Variants in CHN1 observed in about 807,000 individuals in gnomAD.
The protein encoded by CHN1 is chimerin 1.
Under a neutral mutation model 59.5 loss-of-function variants are expected in CHN1, and 37 were observed. The ratio of observed to expected loss-of-function variants is 0.62; its 90% CI spans 0.48 to 0.82. The LOEUF (loss-of-function observed/expected upper bound fraction) is 0.82. CHN1 is among the 40% of genes least tolerant of loss of function. The pLI is 0.00. For missense variants in CHN1, 469 were observed against 571.0 expected (o/e 0.82, Z 1.82); for synonymous variants, 206 against 200.4 (o/e 1.03, Z -0.24).
chr2:174,866,940 A>C (rs1687235324), intron 6 of CHN1, among the ~76,000 whole-genome samples: 2 of 152,228 alleles, frequency 1.3e-5, no homozygotes, highest in African/African-American at 4.8e-5. Flanking sequence ...CTTATTTATA[A>C]ATAAATGCTG....
intron 12 of CHN1, among the ~76,000 whole-genome samples, chr2:174,801,028 G>A (rs938491020): frequency 6.6e-6 from 1 of 152,106 alleles, no homozygotes; most frequent in Non-Finnish European, 1.5e-5. Flanking sequence ...TTTTGTTTCT[G>A]ATTGGTTTTA....
chr2:174,994,234 CTATTT>C (rs1691635003), intron 1 of CHN1, among the ~76,000 whole-genome samples: 1 of 152,132 alleles, frequency 6.6e-6, no homozygotes. Flanking sequence ...AGAGAGATTT[CTATTT>C]TATTCGAGCT....
intron 8 of CHN1, among the ~76,000 whole-genome samples, chr2:174,822,276 C>T (rs1685523202): frequency 6.6e-6 from 1 of 152,166 alleles, no homozygotes; most frequent in South Asian, 2.1e-4. Flanking sequence ...CAATTCCTGA[C>T]CTTTACTCAC....
intron 7 of CHN1, among the ~76,000 whole-genome samples, chr2:174,838,517 T>G (rs1396357772): frequency 6.6e-6 from 1 of 152,164 alleles, no homozygotes; most frequent in Non-Finnish European, 1.5e-5. Flanking sequence ...ACATGAAATA[T>G]TACATATGGT....
At chr2:174,852,309 G>A (rs575849374) in intron 6 of CHN1, among the ~76,000 whole-genome samples, 53 of 151,834 alleles carry the variant, frequency 3.5e-4, no homozygotes, top group African/African-American at 9.9e-4. Context: ...AACCGGTAAC[G>A]AAAACATAAT....
intron 5 of CHN1, among the ~76,000 whole-genome samples, chr2:174,898,031 T>C (rs1688273116): frequency 6.6e-6 from 1 of 152,212 alleles, no homozygotes; most frequent in South Asian, 2.1e-4. Context: ...GACTAACTAC[T>C]ACATTTCTCA....
At chr2:174,817,840 T>C (rs549280581) in intron 8 of CHN1, among the ~76,000 whole-genome samples, 1 of 152,254 alleles carries the variant, frequency 6.6e-6, no homozygotes, top group East Asian at 1.9e-4. Context: ...AGTTTCACCG[T>C]GTTAGCCAGG....
chr2:174,809,905 AC>A (rs1241326625), intron 10 of CHN1, among the ~76,000 whole-genome samples: 2 of 152,188 alleles, frequency 1.3e-5, no homozygotes, highest in East Asian at 3.9e-4. Flanking sequence ...CCACCAAAGG[AC>A]AAAATGTAGC....
intron 5 of CHN1, among the ~76,000 whole-genome samples, chr2:174,886,905 G>A (rs1202994314): frequency 6.6e-6 from 1 of 152,150 alleles, no homozygotes; most frequent in Non-Finnish European, 1.5e-5. Flanking sequence ...ACAATTCAAT[G>A]AGTTTTGGCA....
chr2:174,971,811 T>C (rs1690767633), intron 1 of CHN1, among the ~76,000 whole-genome samples: 1 of 152,162 alleles, frequency 6.6e-6, no homozygotes, highest in Non-Finnish European at 1.5e-5. Context: ...GAATGCTAAG[T>C]TAGAAACAAG....
intron 6 of CHN1, among the ~76,000 whole-genome samples, chr2:174,864,672 A>G (rs139360819): frequency 0.011 from 1,639 of 152,100 alleles, 15 homozygotes; most frequent in Non-Finnish European, 0.018. Context: ...GAAGTTCGAG[A>G]CCAGCCTGGG....
intron 3 of CHN1, among the ~76,000 whole-genome samples, chr2:174,921,941 T>TTA (rs1689030045): frequency 6.6e-6 from 1 of 152,190 alleles, no homozygotes; most frequent in Admixed American, 6.5e-5. Flanking sequence ...TATCATATAC[T>TTA]TAAATAATAC....
At chr2:174,992,793 A>G (rs533616447) in intron 1 of CHN1, among the ~76,000 whole-genome samples, 3 of 151,250 alleles carry the variant, frequency 2.0e-5, no homozygotes, top group African/African-American at 7.3e-5. Flanking sequence ...TCTACTTTTG[A>G]TATCTAATCA....
chr2:174,844,466 G>T (rs1207445707), intron 7 of CHN1, among the ~76,000 whole-genome samples: 1 of 152,156 alleles, frequency 6.6e-6, no homozygotes, highest in Non-Finnish European at 1.5e-5. Context: ...AAGCAAAAAA[G>T]AAAACCACCT....
chr2:174,849,939 T>C (rs1686673927), intron 6 of CHN1, among the ~76,000 whole-genome samples: 1 of 152,202 alleles, frequency 6.6e-6, no homozygotes, highest in South Asian at 2.1e-4. Context: ...AGGTGGTTTC[T>C]CTAGTTACCT....
intron 7 of CHN1, among the ~76,000 whole-genome samples, chr2:174,834,236 T>G (rs1446664395): frequency 6.6e-6 from 1 of 152,210 alleles, no homozygotes; most frequent in Non-Finnish European, 1.5e-5. Flanking sequence ...TGTCATACAT[T>G]TTGCTTGTAT....
At chr2:174,836,712 T>C (rs1686092925) in intron 7 of CHN1, among the ~76,000 whole-genome samples, 1 of 152,212 alleles carries the variant, frequency 6.6e-6, no homozygotes, top group Non-Finnish European at 1.5e-5. Flanking sequence ...GTGAATCGTA[T>C]AGAGCTGACC....
intron 2 of CHN1, among the ~76,000 whole-genome samples, chr2:174,950,947 T>C (rs1690009378): frequency 6.6e-6 from 1 of 151,968 alleles, no homozygotes; most frequent in Non-Finnish European, 1.5e-5. Flanking sequence ...GCCTAGCTAA[T>C]TTTTGTATTT....
At chr2:174,897,481 G>C (rs1688252110) in intron 5 of CHN1, among the ~76,000 whole-genome samples, 1 of 150,346 alleles carries the variant, frequency 6.7e-6, no homozygotes, top group Non-Finnish European at 1.5e-5. Flanking sequence ...TTTCAGATAG[G>C]TCTTAGACGT....
Sources: gnomAD v4.1 joint callset for allele counts (sites outside exome capture counted in the v4.1 genomes callset) on GRCh38, gnomAD v4.1.1 for gene constraint, MANE v1.5 for transcripts, NCBI Gene and HGNC (gene_info 2026-07-23, HGNC 2026-07-21) for gene names.